TBC1D9B: variants seen among roughly 807,000 people sequenced by gnomAD.
TBC1D9B encodes the protein TBC1 domain family, member 9B (with GRAM domain).
Under a neutral mutation model 121.1 loss-of-function variants are expected in TBC1D9B, and 87 were observed. The ratio of observed to expected loss-of-function variants is 0.72; its 90% CI spans 0.60 to 0.86. The LOEUF is 0.86. Among genes scored for constraint, TBC1D9B ranks in the 40% least tolerant of loss-of-function variants. TBC1D9B has a pLI of 0.00. For synonymous variants in TBC1D9B, 668 were observed against 670.1 expected, an observed-to-expected ratio of 1.00 and a Z score of 0.05; for missense variants, 1,540 against 1,628.6, an observed-to-expected ratio of 0.95 and a Z score of 0.94.
At chr5:179,900,372 T>C (rs943418882) in intron 2 of TBC1D9B, among the ~76,000 whole-genome samples, 1 of 152,116 alleles carries the variant, frequency 6.6e-6, no homozygotes, top group African/African-American at 2.4e-5. Flanking sequence ...AGCACCTGTT[T>C]CTGGGGTTTT....
chr5:179,900,445 C>T (rs958267261), intron 2 of TBC1D9B, among the ~76,000 whole-genome samples: 13 of 151,984 alleles, frequency 8.6e-5, no homozygotes, highest in African/African-American at 1.9e-4. Context: ...CTCAGCTGTC[C>T]GGGGGTGGGA....
At chr5:179,871,589 C>G (rs900490439) in intron 14 of TBC1D9B, 59 bp from the exon 15 acceptor site, 26 of 1,572,532 alleles carry the variant, frequency 1.7e-5, no homozygotes, top group Non-Finnish European at 2.2e-5. Flanking sequence ...CACAGAAGTA[C>G]GGCACTCTGT....
At chr5:179,868,034 A>G in intron 17 of TBC1D9B, 185 bp from the exon 18 acceptor site, 1 of 440,376 alleles carries the variant, frequency 2.3e-6, no homozygotes, top group Non-Finnish European at 3.8e-6. Flanking sequence ...GTTATTTGTT[A>G]CTTTCCTCAG....
chr5:179,892,080 T>A (rs1201757048), intron 5 of TBC1D9B, among the ~76,000 whole-genome samples: 3 of 152,190 alleles, frequency 2.0e-5, no homozygotes, highest in African/African-American at 7.2e-5. Context: ...AATGCACACC[T>A]GTGTATCTGA....
rs1304779344 is a variant in TBC1D9B at position 179,879,033 on chromosome 5, T to C, written c.1567+14A>G. ...TGGCTGAGCTGAGGCTGGGGGTGGC[T>C]GCACCCCACTCACCGGAGAAGAGGA... is the stretch of plus-strand genomic sequence containing the variant. On this transcript the variant is annotated intron_variant, in intron 9 of 20. Coordinates refer to ENST00000355235, the MANE Select transcript of TBC1D9B (RefSeq NM_015043.4). 1.3e-6 allele frequency: 2 copies of C among 1,598,104 alleles called. No individual in the cohort carries two copies. The highest frequency in any genetic ancestry group is 1.7e-6 in the Non-Finnish European group (2 of 1,178,522).
chr5:179,875,004 C>A lies in TBC1D9B; in HGVS notation c.2084G>T (p.Gly695Val). 6.2e-7 allele frequency: 1 copy of A among 1,613,996 alleles called. No homozygotes were observed. Among genetic ancestry groups the A allele is most frequent in the Non-Finnish European group, 8.5e-7 (1 of 1,180,034 alleles). ...VVIVDCFFYE[G>V]IKVILQVALA... Reference sequence around the variant, plus strand: ...GGCCACCTGCAGGATCACCTTGATGCCCTCATAGAAAAAGCAGTCGACGAT... The same window carrying A: ...GGCCACCTGCAGGATCACCTTGATGACCTCATAGAAAAAGCAGTCGACGAT... The change falls in exon 12 of 21, where the codon GGC (glycine) becomes GTC (valine). Residue 695 changes from glycine (G) to valine (V), a missense_variant. Coordinates refer to ENST00000355235, the MANE Select transcript of TBC1D9B (RefSeq NM_015043.4). The surrounding 1 kb of genome is among the most constrained non-coding windows in gnomAD (Gnocchi z 4.5).
chr5:179,869,551 T>C (rs753715362), intron 17 of TBC1D9B: 2 of 681,362 alleles, frequency 2.9e-6, no homozygotes, highest in South Asian at 3.0e-5. Context: ...CGGTCACCCA[T>C]GGGATTCTCC....
chr5:179,905,122 G>A (rs1160848194), intron 1 of TBC1D9B, among the ~76,000 whole-genome samples: 6 of 152,162 alleles, frequency 3.9e-5, no homozygotes, highest in East Asian at 1.9e-4. Context: ...CCCTCTTTAC[G>A]TATACAAAAC....
rs1760654967 is a variant in TBC1D9B, at chr5:179,885,585, T to C, written c.1254+2518A>G. On this transcript the variant is annotated intron_variant, in intron 7 of 20. Transcript: ENST00000355235. This position sits in a 1 kb window ranked among gnomAD's most constrained non-coding sequence, Gnocchi z 4.5. ...GCCTAGGTGACAGAGCAAGACTCTG[T>C]CCCCCCCCCAAAAAAAAAAAGATGG... Among the ~76,000 whole-genome samples, 5 of 115,254 alleles carry C rather than the reference T, an allele frequency of 4.3e-5. No individual in the cohort carries two copies. The South Asian group carries it at 1.7e-3, about 40-fold the overall frequency. 75.6% of individuals were successfully genotyped at this position (115,254 alleles called of 152,430 possible).
Position 179,875,907 on chromosome 5 carries a change from CG to C in TBC1D9B, c.1900+12del. The stretch of plus-strand genomic sequence containing the variant: ...CTGGAGACCCAGGCGAGGCAGCACC[CG>C]GGGACACTCACCCACCACCCTGGTG... On this transcript the variant is annotated intron_variant, in intron 11 of 20. Transcript: ENST00000355235. The surrounding 1 kb of genome is among the most constrained non-coding windows in gnomAD (Gnocchi z 4.5). 3 of 1,593,830 alleles carry C rather than the reference CG, an allele frequency of 1.9e-6. No individual in the cohort carries two copies. The highest frequency in any genetic ancestry group is 2.6e-6 in the Non-Finnish European group (3 of 1,170,794).
intron 3 of TBC1D9B, 134 bp downstream of exon 3, chr5:179,899,055 G>C: frequency 1.5e-6 from 1 of 683,572 alleles, no homozygotes; most frequent in East Asian, 2.8e-5. Flanking sequence ...TCCAAGAGAA[G>C]GAGCGCTGAC....
chr5:179,869,146 G>A, intron 17 of TBC1D9B: 1 of 174,942 alleles, frequency 5.7e-6, no homozygotes, highest in Non-Finnish European at 1.2e-5. Flanking sequence ...CAAAGCGACA[G>A]CAGGGACCTG....
rs1385073776 is a variant in TBC1D9B, at chr5:179,907,834, C to A, written c.-13G>T. On this transcript the variant is annotated 5_prime_UTR_variant, in exon 1 of 21. Transcript: ENST00000355235. This position sits in a 1 kb window ranked among gnomAD's most constrained non-coding sequence, Gnocchi z 5.3. The stretch of plus-strand genomic sequence containing the variant: ...GGCTCAGCCACATCGCGGAGCCGCT[C>A]GCACCGGGCCGAGGCCCGCGAGACG... 8.9e-7 allele frequency: 1 copy of A among 1,123,500 alleles called. No individual in the cohort carries two copies. Among genetic ancestry groups the A allele is most frequent in the Non-Finnish European group, 1.1e-6 (1 of 902,228 alleles). The allele number at this position is 1,123,500 out of a possible 1,614,324, so 69.6% of individuals were successfully genotyped here. A position where few individuals can be genotyped will look rare whatever the true frequency, so the allele number is the denominator to read the frequency against.
chr5:179,886,957 G>C (rs1013497493), intron 7 of TBC1D9B, among the ~76,000 whole-genome samples: 1 of 152,162 alleles, frequency 6.6e-6, no homozygotes, highest in Non-Finnish European at 1.5e-5. Context: ...TGATTCCAGT[G>C]GAAAGACACA....
intron 3 of TBC1D9B, among the ~76,000 whole-genome samples, chr5:179,896,103 C>T (rs995006668): frequency 1.3e-5 from 2 of 152,140 alleles, no homozygotes; most frequent in Non-Finnish European, 2.9e-5. Flanking sequence ...GTTTCCTGCC[C>T]TTGGAAGCAT....
intron 4 of TBC1D9B, among the ~76,000 whole-genome samples, chr5:179,893,676 G>A (rs777761177): frequency 9.2e-5 from 14 of 152,056 alleles, no homozygotes; most frequent in Non-Finnish European, 1.5e-4. Context: ...AACCACACAC[G>A]GTGAGTGTCT....
At position 179,879,430 on chromosome 5, in the gene TBC1D9B, C is replaced by G. The variant is rs915895534; in HGVS notation, c.1416+198G>C. On this transcript the variant is annotated intron_variant, in intron 8 of 20. Coordinates refer to ENST00000355235, the MANE Select transcript of TBC1D9B (RefSeq NM_015043.4). ...TCAGAGGCCTGGAGTCCGTGGCAAA[C>G]AGCACACTGAGCAGGTCAGCGGAGC... 5.9e-6 allele frequency: 6 copies of G among 1,023,374 alleles called. No individual in the cohort carries two copies. The East Asian group carries it at 1.3e-4, about 22-fold the overall frequency. The allele number at this position is 1,023,374 out of a possible 1,614,324, so 63.4% of individuals were successfully genotyped here. A position where few individuals can be genotyped will look rare whatever the true frequency, so the allele number is the denominator to read the frequency against.
rs137955244 is a variant in TBC1D9B at position 179,902,453 on chromosome 5, T to C, written c.229+2249A>G. On this transcript the variant is annotated intron_variant, in intron 2 of 20. Coordinates refer to ENST00000355235, the MANE Select transcript of TBC1D9B (RefSeq NM_015043.4). This position sits in a 1 kb window ranked among gnomAD's most constrained non-coding sequence, Gnocchi z 4.9. ...CAGGGCCATGTCTGGTCTTGGTGAG[T>C]TGCTTCTGGGGCCTAGCCTGGCTGG... 2.1e-3 allele frequency among the ~76,000 whole-genome samples: 315 copies of C among 152,054 alleles called. No individual in the cohort carries two copies. The highest frequency in any genetic ancestry group is 7.3e-3 in the African/African-American group (301 of 41,490).
At position 179,891,563 on chromosome 5, in the gene TBC1D9B, T is replaced by C; in HGVS notation, c.860A>G (p.Asn287Ser). 1 of 1,613,510 alleles carries C rather than the reference T, an allele frequency of 6.2e-7. No individual in the cohort carries two copies. ...CCGGAACGTGGCTCGGTAGCACTCA[T>C]TCTTGGCTCGGGCGTCCAGGTCTCT... ...LKRDLDARAK[N>S]ECYRATFRLP... The change falls in exon 6 of 21, where the codon AAT becomes AGT. Residue 287 changes from asparagine (N) to serine (S), a missense_variant. Transcript: ENST00000355235. This position sits in a 1 kb window ranked among gnomAD's most constrained non-coding sequence, Gnocchi z 4.3.
Sources: allele counts gnomAD v4.1 joint callset (sites outside exome capture counted in the v4.1 genomes callset), GRCh38; gene constraint gnomAD v4.1.1; non-coding constraint Gnocchi (gnomAD v3.1); transcripts MANE v1.5; gene names NCBI Gene and HGNC (gene_info 2026-07-23, HGNC 2026-07-21).